Variants in PTPRD observed in about 807,000 individuals in gnomAD.
PTPRD encodes the protein protein tyrosine phosphatase receptor type D, also known as receptor-type tyrosine-protein phosphatase delta.
Under a neutral mutation model 214.5 loss-of-function variants are expected in PTPRD, and 34 were observed. The ratio of observed to expected loss-of-function variants is 0.16; its 90% CI spans 0.12 to 0.21. PTPRD has a LOEUF of 0.21. Among genes scored for constraint, PTPRD ranks in the 10% least tolerant of loss-of-function variants. The pLI, the probability that PTPRD is intolerant of heterozygous loss-of-function variation, is 1.00. For missense variants in PTPRD, 2,545 were observed against 2,398.7 expected, an observed-to-expected ratio of 1.06 and a Z score of -1.27; for synonymous variants, 1,128 against 845.7, an observed-to-expected ratio of 1.33 and a Z score of -5.79.
chr9:10,262,197 A>C (rs1369166135), intron 3 of PTPRD, among the ~76,000 whole-genome samples: 2 of 152,176 alleles, frequency 1.3e-5, no homozygotes, highest in Non-Finnish European at 2.9e-5. Flanking sequence ...AAAAAAATTA[A>C]TTTGTGCTTT....
At chr9:9,943,068 T>G (rs2091902026) in intron 4 of PTPRD, among the ~76,000 whole-genome samples, 2 of 152,130 alleles carry the variant, frequency 1.3e-5, no homozygotes, top group African/African-American at 4.8e-5. Flanking sequence ...GATGTCAGTC[T>G]TACATAGGCT....
chr9:10,442,088 T>A (rs1454789123), intron 2 of PTPRD, among the ~76,000 whole-genome samples: 1 of 151,738 alleles, frequency 6.6e-6, no homozygotes, highest in Non-Finnish European at 1.5e-5. Flanking sequence ...CATAAAATTC[T>A]ACAAATCTAG....
At chr9:9,125,498 T>C (rs2099829016) in intron 10 of PTPRD, among the ~76,000 whole-genome samples, 1 of 152,188 alleles carries the variant, frequency 6.6e-6, no homozygotes, top group Non-Finnish European at 1.5e-5. Context: ...TGCAATTGTC[T>C]GAGAAAAGCA....
intron 3 of PTPRD, among the ~76,000 whole-genome samples, chr9:10,312,767 T>A (rs2154419020): frequency 6.6e-6 from 1 of 151,876 alleles, no homozygotes; most frequent in Admixed American, 6.6e-5. Flanking sequence ...TCTAAGGAAA[T>A]CCAAAGGTAC....
In PTPRD at chr9:9,420,439, G is replaced by A. The variant is rs907604468; in HGVS notation, c.-236-22957C>T. On this transcript the variant is annotated intron_variant, in intron 8 of 45. Transcript: ENST00000381196. The stretch of plus-strand genomic sequence containing the variant: ...ATCATGATAGGTTCTAGCACATATT[G>A]GTGATAGTTCTTAAAGTAGTACTTC... Among the ~76,000 whole-genome samples the A allele has an allele frequency of 3.5e-4, 53 of 151,928 alleles. 1 individual carries two copies. Among genetic ancestry groups the A allele is most frequent in the African/African-American group, 1.2e-3 (49 of 41,530 alleles).
chr9:9,069,365 C>A (rs1036110422), intron 10 of PTPRD, among the ~76,000 whole-genome samples: 1 of 152,160 alleles, frequency 6.6e-6, no homozygotes, highest in African/African-American at 2.4e-5. Context: ...AAAAAACTGG[C>A]TTTCATACAT....
chr9:10,540,847 T>C (rs1197404512), intron 2 of PTPRD, among the ~76,000 whole-genome samples: 3 of 152,180 alleles, frequency 2.0e-5, no homozygotes, highest in African/African-American at 4.8e-5. Flanking sequence ...AAAACTACTC[T>C]GCAGTTTGGC....
At chr9:10,337,933 G>C (rs922250574) in intron 3 of PTPRD, among the ~76,000 whole-genome samples, 2 of 151,386 alleles carry the variant, frequency 1.3e-5, no homozygotes, top group African/African-American at 4.8e-5. Context: ...TACGTTTTCA[G>C]CAATTGCATT....
intron 5 of PTPRD, among the ~76,000 whole-genome samples, chr9:9,820,900 T>C (rs1240293371): frequency 6.6e-6 from 1 of 152,184 alleles, no homozygotes; most frequent in Non-Finnish European, 1.5e-5. Flanking sequence ...GCAGCATAGT[T>C]TGAAACTGGG....
At chr9:9,045,691 ACT>A (rs1413219974) in intron 10 of PTPRD, among the ~76,000 whole-genome samples, 1 of 152,080 alleles carries the variant, frequency 6.6e-6, no homozygotes, top group African/African-American at 2.4e-5. Flanking sequence ...CTCCTCTCAG[ACT>A]GTTCCATAAT....
chr9:8,433,298 T>C (rs2095178378), intron 35 of PTPRD, among the ~76,000 whole-genome samples: 1 of 152,244 alleles, frequency 6.6e-6, no homozygotes, highest in South Asian at 2.1e-4. Context: ...GTCAGGCACA[T>C]ACAATTAGGT....
intron 30 of PTPRD, among the ~76,000 whole-genome samples, chr9:8,483,801 CAA>C (rs547838425): frequency 7.8e-4 from 67 of 85,454 alleles, no homozygotes; most frequent in African/African-American, 2.9e-3. Flanking sequence ...AAAACAAAAA[CAA>C]AAACAAACAA....
intron 36 of PTPRD, among the ~76,000 whole-genome samples, chr9:8,391,758 T>A (rs746228880): frequency 6.6e-5 from 10 of 152,136 alleles, no homozygotes; most frequent in Admixed American, 2.0e-4. Context: ...ATTCATCACC[T>A]GGGCCCTGTG....
chr9:10,505,613 C>A (rs538517723), intron 2 of PTPRD, among the ~76,000 whole-genome samples: 1 of 151,974 alleles, frequency 6.6e-6, no homozygotes, highest in Non-Finnish European at 1.5e-5. Context: ...ACCAGGCATA[C>A]CATGGGTTAA....
intron 10 of PTPRD, among the ~76,000 whole-genome samples, chr9:9,100,413 G>A (rs543144666): frequency 6.6e-6 from 1 of 152,190 alleles, no homozygotes; most frequent in South Asian, 2.1e-4. Context: ...CACAGAGTAG[G>A]GTAAATAGCT....
chr9:9,183,955 C>T (rs904179658), intron 9 of PTPRD, among the ~76,000 whole-genome samples: 1 of 152,032 alleles, frequency 6.6e-6, no homozygotes, highest in Non-Finnish European at 1.5e-5. Context: ...TATAAAAAGG[C>T]ACAATGTCTT....
At chr9:9,189,305 G>A (rs547358769) in intron 9 of PTPRD, among the ~76,000 whole-genome samples, 1 of 152,240 alleles carries the variant, frequency 6.6e-6, no homozygotes, top group South Asian at 2.1e-4. Flanking sequence ...AGATGAGGAA[G>A]TTGAGGTGCA....
chr9:10,237,522 T>G (rs113831778), intron 3 of PTPRD, among the ~76,000 whole-genome samples: 9 of 152,060 alleles, frequency 5.9e-5, no homozygotes, highest in African/African-American at 2.2e-4. Flanking sequence ...CTTATTTGTT[T>G]AAAAATTTAA....
At chr9:9,452,221 C>T (rs1300943213) in intron 8 of PTPRD, among the ~76,000 whole-genome samples, 1 of 151,384 alleles carries the variant, frequency 6.6e-6, no homozygotes, top group East Asian at 1.9e-4. Flanking sequence ...ATCATTTTGT[C>T]AGCAAAAATG....
Sources: allele counts gnomAD v4.1 joint callset (sites outside exome capture counted in the v4.1 genomes callset), GRCh38; gene constraint gnomAD v4.1.1; transcripts MANE v1.5; gene names NCBI Gene and HGNC (gene_info 2026-07-23, HGNC 2026-07-21).